The following TMEM68 variants were observed in gnomAD, a reference collection of about 807,000 sequenced individuals.
TMEM68 encodes the protein transmembrane protein 68.
TMEM68 carries 25 observed loss-of-function variants against 36.9 expected under a neutral mutation model. That is an observed-to-expected ratio of 0.68 (90% confidence interval 0.49 to 0.95). TMEM68 has a LOEUF of 0.95. TMEM68 is among the 40% of genes least tolerant of loss of function. The pLI is 0.00. For synonymous variants in TMEM68, 131 were observed against 124.4 expected (o/e 1.05, Z -0.35); for missense variants, 333 against 392.0 (o/e 0.85, Z 1.27).
At chr8:55,755,482 G>C (rs958101225) in intron 4 of TMEM68, among the ~76,000 whole-genome samples, 1 of 151,932 alleles carries the variant, frequency 6.6e-6, no homozygotes, top group Non-Finnish European at 1.5e-5. Flanking sequence ...ATGTTGGCCA[G>C]GCTGGTTTTG....
At chr8:55,762,285 T>C (rs1290355737) in intron 3 of TMEM68, 1 of 280,604 alleles carries the variant, frequency 3.6e-6, no homozygotes, top group East Asian at 6.3e-5. Context: ...TCAAACTTAT[T>C]TTGAACAGAA....
chr8:55,752,370 T>C (rs958555766), intron 4 of TMEM68, among the ~76,000 whole-genome samples: 3 of 151,972 alleles, frequency 2.0e-5, no homozygotes, highest in African/African-American at 7.3e-5. Context: ...GCAGACCACC[T>C]GAGGTCAGGA....
chr8:55,765,819 A>C (rs1190782826), intron 1 of TMEM68, among the ~76,000 whole-genome samples: 11 of 152,196 alleles, frequency 7.2e-5, no homozygotes, highest in Admixed American at 7.2e-4. Context: ...AACATACTGG[A>C]ATACTGGCTT....
At chr8:55,756,499 CA>C in intron 3 of TMEM68, 88 bp from the exon 4 acceptor site, 1 of 1,122,140 alleles carries the variant, frequency 8.9e-7, no homozygotes, top group Non-Finnish European at 1.2e-6. Flanking sequence ...TCTTTTCTCA[CA>C]AAAGTACACT....
chr8:55,761,388 T>A (rs1371817387), intron 3 of TMEM68: 2 of 152,232 alleles, frequency 1.3e-5, no homozygotes, highest in Non-Finnish European at 2.9e-5. Flanking sequence ...TGTTTCCCTG[T>A]CTAGCAGTAG....
chr8:55,743,330 G>T, intron 7 of TMEM68, 151 bp downstream of exon 7: 1 of 1,018,876 alleles, frequency 9.8e-7, no homozygotes, highest in Non-Finnish European at 1.4e-6. Context: ...CCAGGGATTA[G>T]CAAATGTTCC....
chr8:55,772,507 A>G (rs1811211488), intron 1 of TMEM68, among the ~76,000 whole-genome samples: 1 of 152,168 alleles, frequency 6.6e-6, no homozygotes. Flanking sequence ...TTCTTATTAG[A>G]TAATTAGTAA....
Position 55,739,356 on chromosome 8 carries a change from A to G in TMEM68, c.*776T>C, listed in dbSNP as rs972447038. Reference sequence around the variant, plus strand: ...GGGCTGACAATGCACAGCACACCCTATATTGTTTGCCTATAGACTCTTGTT... The same window carrying G: ...GGGCTGACAATGCACAGCACACCCTGTATTGTTTGCCTATAGACTCTTGTT... On this transcript the variant is annotated 3_prime_UTR_variant, in exon 8 of 8. Transcript: ENST00000434581. 2 of 152,574 alleles carry G rather than the reference A, an allele frequency of 1.3e-5. No individual in the cohort carries two copies. Among genetic ancestry groups the G allele is most frequent in the Non-Finnish European group, 2.9e-5 (2 of 68,038 alleles). The allele number at this position is 152,574 out of a possible 1,614,324, so 9.5% of individuals were successfully genotyped here.
intron 3 of TMEM68, among the ~76,000 whole-genome samples, chr8:55,758,569 G>A (rs530984975): frequency 7.9e-5 from 12 of 152,358 alleles, no homozygotes; most frequent in African/African-American, 2.6e-4. Flanking sequence ...CACTTTGGGA[G>A]ACTGAGATGG....
At chr8:55,760,711 G>T (rs1810762196) in intron 3 of TMEM68, 2 of 152,280 alleles carry the variant, frequency 1.3e-5, no homozygotes, top group African/African-American at 4.8e-5. Context: ...TCACAAAACA[G>T]ATTAAATTAA....
In TMEM68 at chr8:55,745,101, T is replaced by G; in HGVS notation, c.708A>C (p.Thr236=). 6.7e-7 allele frequency: 1 copy of G among 1,499,338 alleles called. No individual in the cohort carries two copies. Among genetic ancestry groups the G allele is most frequent in the East Asian group, 2.5e-5 (1 of 39,672 alleles). The allele number at this position is 1,499,338 out of a possible 1,614,324, so 92.9% of individuals were successfully genotyped here. The change falls in exon 6 of 8, where the codon ACA becomes ACC. Residue 236 remains threonine, a synonymous_variant. Coordinates refer to ENST00000434581, the MANE Select transcript of TMEM68 (RefSeq NM_001286657.2). ...DAKVPIIPMF[T]QNIREGFRSL... is the part of the protein sequence containing the mutation. ...ATCTAAATCCTTCTCGAATATTTTG[T>G]GTAAACATAGGAATAATGGGCTAAA...
intron 1 of TMEM68, among the ~76,000 whole-genome samples, chr8:55,770,727 A>G (rs953331859): frequency 6.6e-6 from 1 of 152,152 alleles, no homozygotes; most frequent in South Asian, 2.1e-4. Context: ...GGGAAATACA[A>G]TATTTTAGTT....
At position 55,739,767 on chromosome 8, in the gene TMEM68, C is replaced by T. The variant is rs1341720487; in HGVS notation, c.*365G>A. 1 of 198,412 alleles carries T rather than the reference C, an allele frequency of 5.0e-6. No homozygotes were observed. Among genetic ancestry groups the T allele is most frequent in the Non-Finnish European group, 1.0e-5 (1 of 98,280 alleles). 12.3% of individuals were successfully genotyped at this position (198,412 alleles called of 1,614,324 possible). On this transcript the variant is annotated 3_prime_UTR_variant, in exon 8 of 8. Coordinates refer to ENST00000434581, the MANE Select transcript of TMEM68 (RefSeq NM_001286657.2). ...CAACTATACTAACCCCTAGCTTATA[C>T]CATCTTTCAAAATCAGCTCAGGGCG... is the stretch of plus-strand genomic sequence containing the variant.
chr8:55,742,446 C>T (rs1810130764), intron 7 of TMEM68, among the ~76,000 whole-genome samples: 1 of 152,014 alleles, frequency 6.6e-6, no homozygotes, highest in Admixed American at 6.6e-5. Context: ...ATATGTTTTA[C>T]CATAATGTTT....
chr8:55,758,078 C>T (rs912998833), intron 3 of TMEM68, among the ~76,000 whole-genome samples: 3 of 152,042 alleles, frequency 2.0e-5, no homozygotes, highest in East Asian at 1.9e-4. Flanking sequence ...TTCCTGGGGT[C>T]GCAGGAGGGG....
Position 55,762,828 on chromosome 8 carries a change from G to C in TMEM68, c.132C>G (p.Leu44=). ...GTATTAGTGGTGTAAAAACCCACAA[G>C]AGATAGTTTGCAAAATTCAAATAGT... is the stretch of plus-strand genomic sequence containing the variant. ...LEDYLNFANY[L]LWVFTPLILL... The change falls in exon 3 of 8, where the codon CTC becomes CTG. Residue 44 remains leucine, a synonymous_variant. Coordinates refer to ENST00000434581, the MANE Select transcript of TMEM68 (RefSeq NM_001286657.2). The C allele has an allele frequency of 1.9e-6, 3 of 1,614,160 alleles. No individual in the cohort carries two copies. The highest frequency in any genetic ancestry group is 2.5e-6 in the Non-Finnish European group (3 of 1,180,026).
Position 55,751,091 on chromosome 8 carries a change from A to C in TMEM68, c.560T>G (p.Leu187Arg). The change falls in exon 5 of 8, where the codon CTG (leucine) becomes CGG (arginine). Residue 187 changes from leucine to arginine, a missense_variant. By Grantham distance (102) the Leu-to-Arg change is moderately radical. Transcript: ENST00000434581. ...GATAGCTAACAAGTGGCCACTCCTC[A>C]GAATTTCAACACATTTTTCTCTTGG... is the stretch of plus-strand genomic sequence containing the variant. ...HGPREKCVEI[L>R]RSGHLLAISP... 6.2e-7 allele frequency: 1 copy of C among 1,614,112 alleles called. No homozygotes were observed. Among genetic ancestry groups the C allele is most frequent in the Non-Finnish European group, 8.5e-7 (1 of 1,180,024 alleles).
chr8:55,758,483 A>C (rs1368726523), intron 3 of TMEM68, among the ~76,000 whole-genome samples: 3 of 152,252 alleles, frequency 2.0e-5, no homozygotes, highest in African/African-American at 7.2e-5. Context: ...CAAATGTTGA[A>C]ACTATCAGAT....
At chr8:55,746,574 A>G (rs1381928897) in intron 5 of TMEM68, 1 of 152,160 alleles carries the variant, frequency 6.6e-6, no homozygotes, top group Non-Finnish European at 1.5e-5. Flanking sequence ...ATGTTTCAGA[A>G]TAGATAAAAT....
Sources: gnomAD v4.1 joint callset for allele counts (sites outside exome capture counted in the v4.1 genomes callset) on GRCh38, gnomAD v4.1.1 for gene constraint, MANE v1.5 for transcripts, NCBI Gene and HGNC (gene_info 2026-07-23, HGNC 2026-07-21) for gene names.